The following ZNF496 variants were observed in gnomAD, a reference collection of about 807,000 sequenced individuals.
ZNF496 encodes zinc finger protein 496.
A neutral mutation model predicts 58.9 loss-of-function variants in ZNF496; 11 were observed. The observed-to-expected ratio is 0.19, with a 90% CI of 0.12 to 0.31. The LOEUF (loss-of-function observed/expected upper bound fraction) is 0.31. Among genes scored for constraint, ZNF496 ranks in the 10% least tolerant of loss-of-function variants. ZNF496 has a pLI of 1.00. For missense variants in ZNF496, 660 were observed against 783.0 expected (o/e 0.84, Z 1.88); for synonymous variants, 338 against 318.2 (o/e 1.06, Z -0.66).
Position 247,324,507 on chromosome 1 carries a change from T to A in ZNF496, c.575-1277A>T, listed in dbSNP as rs541640297. On this transcript the variant is annotated intron_variant, in intron 5 of 9. Transcript: ENST00000682384. ...GAAAAAGGATAGGTATATGAGGTAA[T>A]GCATTATATTAATTAGCTTGACTTT... 3.3e-5 allele frequency among the ~76,000 whole-genome samples: 5 copies of A among 150,386 alleles called. No individual in the cohort carries two copies. In the South Asian group the frequency reaches 1.1e-3, roughly 32 times the overall value.
intron 6 of ZNF496, chr1:247,322,829 A>G: frequency 7.7e-7 from 1 of 1,297,824 alleles, no homozygotes; most frequent in Non-Finnish European, 1.0e-6. Flanking sequence ...GAGCAGAGAG[A>G]TCTCCTTTTT....
At chr1:247,322,893 C>T (rs1660006422) in intron 6 of ZNF496, 1 of 915,388 alleles carries the variant, frequency 1.1e-6, no homozygotes. Flanking sequence ...GACTCATGGG[C>T]CTTTGTTTCC....
intron 9 of ZNF496, 40 bp from the exon 10 acceptor site, chr1:247,301,316 G>A (rs764020082): frequency 1.6e-4 from 245 of 1,496,080 alleles, no homozygotes; most frequent in Non-Finnish European, 2.1e-4. Flanking sequence ...CGCTGCACAG[G>A]CCACATCCCA....
At chr1:247,304,799 A>G (rs1659357547) in intron 9 of ZNF496, among the ~76,000 whole-genome samples, 1 of 152,236 alleles carries the variant, frequency 6.6e-6, no homozygotes, top group Non-Finnish European at 1.5e-5. Context: ...AGCAAAAAAC[A>G]TCTGGTTTCA....
chr1:247,328,996 C>A, intron 4 of ZNF496, 130 bp from the exon 5 acceptor site: 1 of 1,387,938 alleles, frequency 7.2e-7, no homozygotes, highest in South Asian at 1.4e-5. Context: ...TGTAAAGGGG[C>A]ACGACACTAT....
intron 6 of ZNF496, chr1:247,313,484 G>A (rs1295825025): frequency 6.6e-6 from 1 of 152,280 alleles, no homozygotes; most frequent in Non-Finnish European, 1.5e-5. Context: ...GGTGGCCAAG[G>A]ATGTGGAGAA....
rs970299431 is a variant in ZNF496 at position 247,299,113 on chromosome 1, C to G, written c.*1406G>C. On this transcript the variant is annotated 3_prime_UTR_variant, in exon 10 of 10. Coordinates refer to ENST00000682384, the MANE Select transcript of ZNF496 (RefSeq NM_032752.3). The stretch of plus-strand genomic sequence containing the variant: ...ATGATATAGCATACCTCACGTTTAT[C>G]TGGAGTCATGGGCTGAATGCTGTCC... 4.6e-5 allele frequency: 7 copies of G among 152,356 alleles called. No homozygotes were observed. In the East Asian group the frequency reaches 1.4e-3, roughly 29 times the overall value. 9.4% of individuals were successfully genotyped at this position (152,356 alleles called of 1,614,324 possible).
intron 6 of ZNF496, among the ~76,000 whole-genome samples, chr1:247,316,522 G>A (rs1455609772): frequency 1.3e-5 from 2 of 152,044 alleles, no homozygotes; most frequent in South Asian, 2.1e-4. Flanking sequence ...TCAGCCCCTC[G>A]CCATGTGACG....
chr1:247,307,587 CT>C (rs1478054307), intron 9 of ZNF496: 29 of 985,282 alleles, frequency 2.9e-5, no homozygotes, highest in Non-Finnish European at 3.5e-5. Flanking sequence ...GGCATCCATG[CT>C]TGTGGAGCAG....
At chr1:247,326,091 CACACACATATATAT>C (rs1660115806) in intron 5 of ZNF496, among the ~76,000 whole-genome samples, 2 of 146,770 alleles carry the variant, frequency 1.4e-5, no homozygotes, top group African/African-American at 2.6e-5. Flanking sequence ...CACATATATA[CACACACATATATAT>C]ACACACACAT....
Position 247,300,487 on chromosome 1 carries a change from AG to A in ZNF496, c.*31del. The A allele has an allele frequency of 6.4e-7, 1 of 1,573,000 alleles. No homozygotes were observed. Among genetic ancestry groups the A allele is most frequent in the Non-Finnish European group, 8.6e-7 (1 of 1,157,500 alleles). On this transcript the variant is annotated 3_prime_UTR_variant, in exon 10 of 10. Transcript: ENST00000682384. This position sits in a 1 kb window ranked among gnomAD's most constrained non-coding sequence, Gnocchi z 5.7. ...AGTACCAAGGTGAGGGGGCAGCACC[AG>A]CCAGGGTGAGGCCGCCCCAGGCGGA...
intron 6 of ZNF496, among the ~76,000 whole-genome samples, chr1:247,320,557 G>C (rs1380174910): frequency 2.0e-5 from 3 of 152,088 alleles, no homozygotes; most frequent in Non-Finnish European, 4.4e-5. Flanking sequence ...TCTCTATCTT[G>C]CATGTATCAT....
Position 247,329,491 on chromosome 1 carries a change from T to A in ZNF496, c.88A>T (p.Ser30Cys), listed in dbSNP as rs1234930774. ...GGGCTGGGAAGCTCCCCCTGGGGGCTAGGGTTCTCTCCAGGTGGGCTCCTC... is the reference window on the plus strand; with the variant it reads ...GGGCTGGGAAGCTCCCCCTGGGGGCAAGGGTTCTCTCCAGGTGGGCTCCTC... ...KMRSPPGENP[S>C]PQGELPSPES... Residue 30 changes from serine to cysteine, a missense_variant, in exon 4 of 10, where the codon AGC becomes TGC. Coordinates refer to ENST00000682384, the MANE Select transcript of ZNF496 (RefSeq NM_032752.3). This position sits in a 1 kb window ranked among gnomAD's most constrained non-coding sequence, Gnocchi z 5.5. 2 of 1,602,782 alleles carry A rather than the reference T, an allele frequency of 1.2e-6. No individual in the cohort carries two copies. Among genetic ancestry groups the A allele is most frequent in the East Asian group, 4.5e-5 (2 of 44,778 alleles).
At chr1:247,314,907 C>A (rs1659722797) in intron 6 of ZNF496, among the ~76,000 whole-genome samples, 1 of 151,980 alleles carries the variant, frequency 6.6e-6, no homozygotes, top group African/African-American at 2.4e-5. Flanking sequence ...CTACCATGAC[C>A]AGCTACTTTT....
chr1:247,322,842 C>A, intron 6 of ZNF496: 1 of 1,271,656 alleles, frequency 7.9e-7, no homozygotes, highest in Non-Finnish European at 1.0e-6. Context: ...TCCTTTTTCA[C>A]AAGAGGGGAA....
chr1:247,318,281 A>T (rs4501868), intron 6 of ZNF496, among the ~76,000 whole-genome samples: 139,557 of 152,250 alleles, frequency 0.92, 64,927 homozygotes, highest in East Asian at 1. Flanking sequence ...TATCCTTAGC[A>T]GTCTGGAGAG....
intron 6 of ZNF496, among the ~76,000 whole-genome samples, chr1:247,315,130 T>C (rs1659731316): frequency 6.7e-6 from 1 of 149,296 alleles, no homozygotes; most frequent in Admixed American, 6.7e-5. Flanking sequence ...AGGAATCATG[T>C]TGGTGAAAAG....
chr1:247,308,644 G>C lies in ZNF496; in HGVS notation c.893-56C>G. 4 of 1,503,874 alleles carry C rather than the reference G, an allele frequency of 2.7e-6. 1 individual carries two copies. The South Asian group carries it at 4.5e-5, about 17-fold the overall frequency. 93.2% of individuals were successfully genotyped at this position (1,503,874 alleles called of 1,614,324 possible). On this transcript the variant is annotated intron_variant, in intron 8 of 9. Transcript: ENST00000682384. This position sits in a 1 kb window ranked among gnomAD's most constrained non-coding sequence, Gnocchi z 4.5. Reference sequence around the variant, plus strand: ...TTGTTTTGCACCTACAGCACTACCTGGGAGGGTGCTATCCGAATAGATGCC... The same window carrying C: ...TTGTTTTGCACCTACAGCACTACCTCGGAGGGTGCTATCCGAATAGATGCC...
rs755096652 is a variant in ZNF496 at position 247,300,978 on chromosome 1, G to A, written c.1305C>T (p.His435=). The change falls in exon 10 of 10, where the codon CAC becomes CAT. Residue 435 remains histidine, a synonymous_variant. Coordinates refer to ENST00000682384, the MANE Select transcript of ZNF496 (RefSeq NM_032752.3). This position sits in a 1 kb window ranked among gnomAD's most constrained non-coding sequence, Gnocchi z 5.7. The part of the protein sequence containing the change: ...LRSRREQEKP[H]ECSVCGELFS... ...ACAGCTCCCCGCACACCGAGCACTC[G>A]TGCGGCTTCTCCTGCTCCCTGCGGC... 15 of 1,613,786 alleles carry A rather than the reference G, an allele frequency of 9.3e-6. No homozygotes were observed. In the South Asian group the frequency reaches 9.9e-5, roughly 11 times the overall value.
Sources: gnomAD v4.1 joint callset for allele counts (sites outside exome capture counted in the v4.1 genomes callset) on GRCh38, gnomAD v4.1.1 for gene constraint, Gnocchi (gnomAD v3.1) non-coding constraint, MANE v1.5 for transcripts, NCBI Gene and HGNC (gene_info 2026-07-23, HGNC 2026-07-21) for gene names.